PTH2R: variants seen among roughly 807,000 people sequenced by gnomAD.
PTH2R encodes the protein PTH2 receptor.
In PTH2R, 59 loss-of-function variants were observed where a neutral mutation model predicts 60.3. The ratio of observed to expected loss-of-function variants is 0.98; its 90% CI spans 0.79 to 1.22. The LOEUF (loss-of-function observed/expected upper bound fraction) is 1.22. PTH2R is among the 50% of genes most tolerant of loss of function. The pLI, the probability that PTH2R is intolerant of heterozygous loss-of-function variation, is 0.00. For missense variants in PTH2R, 749 were observed against 682.6 expected (o/e 1.10, Z -1.08); for synonymous variants, 256 against 243.8 (o/e 1.05, Z -0.47).
At chr2:208,360,179 C>A (rs925113036) in exon 1 of PTH2R, 6 of 454,678 alleles carry the variant, frequency 1.3e-5, no homozygotes, top group Admixed American at 4.7e-5. Flanking sequence ...CTTTTCTCTT[C>A]TTTTTCTACG....
chr2:208,421,149 A>G (rs1701747667), intron 1 of PTH2R, among the ~76,000 whole-genome samples: 1 of 152,178 alleles, frequency 6.6e-6, no homozygotes. Flanking sequence ...CGCATTCTTA[A>G]TGTTTTCATT....
In PTH2R at chr2:208,437,749, T is replaced by G; in HGVS notation, c.290-11T>G. The G allele has an allele frequency of 6.2e-7, 1 of 1,609,878 alleles. No individual in the cohort carries two copies. Among genetic ancestry groups the G allele is most frequent in the Non-Finnish European group, 8.5e-7 (1 of 1,176,358 alleles). On this transcript the variant is annotated splice_polypyrimidine_tract_variant and intron_variant, in intron 3 of 12. Transcript: ENST00000272847. ...AACTGAGCGATCTCAGCATCTTTCA[T>G]GTCTTTACAGGAGTTGCTTTCCGAC...
intron 7 of PTH2R, among the ~76,000 whole-genome samples, chr2:208,448,446 C>G (rs891584469): frequency 6.6e-6 from 1 of 151,424 alleles, no homozygotes; most frequent in Non-Finnish European, 1.5e-5. Context: ...GTCAGGAGAT[C>G]GAGACAATCC....
intron 1 of PTH2R, among the ~76,000 whole-genome samples, chr2:208,408,059 A>C (rs773291325): frequency 1.3e-5 from 2 of 152,162 alleles, no homozygotes; most frequent in Non-Finnish European, 2.9e-5. Flanking sequence ...AGTTTAAAAA[A>C]CCTATCTGTT....
chr2:208,408,740 A>AGAGAGAGAGAG (rs1553542827), intron 1 of PTH2R, among the ~76,000 whole-genome samples: 11 of 123,352 alleles, frequency 8.9e-5, no homozygotes, highest in African/African-American at 3.5e-4. Flanking sequence ...GAGAGAGAGA[A>AGAGAGAGAGAG]AGAGAGAGAG....
chr2:208,428,148 T>C, intron 1 of PTH2R, 53 bp from the exon 2 acceptor site: 1 of 1,363,324 alleles, frequency 7.3e-7, no homozygotes, highest in South Asian at 1.2e-5. Context: ...AAAGCTTGTA[T>C]CCTGGCTTGA....
At chr2:208,375,464 G>A (rs1446523668) in intron 1 of PTH2R, among the ~76,000 whole-genome samples, 1 of 152,084 alleles carries the variant, frequency 6.6e-6, no homozygotes, top group Non-Finnish European at 1.5e-5. Context: ...CTCTGTGAAG[G>A]CAACGACCTA....
intron 1 of PTH2R, among the ~76,000 whole-genome samples, chr2:208,388,916 T>G (rs1205490375): frequency 2.0e-5 from 3 of 152,162 alleles, no homozygotes; most frequent in African/African-American, 4.8e-5. Flanking sequence ...TGGCACTCAG[T>G]AAGCACTTAT....
At chr2:208,386,038 T>G (rs1288470765) in intron 1 of PTH2R, among the ~76,000 whole-genome samples, 1 of 152,220 alleles carries the variant, frequency 6.6e-6, no homozygotes, top group African/African-American at 2.4e-5. Flanking sequence ...ACTCTTGAGT[T>G]TCCTCCATCT....
upstream of PTH2R, among the ~76,000 whole-genome samples, chr2:208,404,670 C>T (rs979568947): frequency 7.9e-5 from 12 of 152,080 alleles, no homozygotes; most frequent in Non-Finnish European, 1.2e-4. Context: ...GAGAGAAAGA[C>T]ACTTGCACAC....
At chr2:208,465,109 A>G (rs1260891999) in intron 9 of PTH2R, among the ~76,000 whole-genome samples, 2 of 151,458 alleles carry the variant, frequency 1.3e-5, no homozygotes, top group Non-Finnish European at 2.9e-5. Flanking sequence ...CTGAGTAACT[A>G]GGACTATAGG....
chr2:208,487,550 T>C (rs1184630665), intron 10 of PTH2R, among the ~76,000 whole-genome samples: 1 of 152,146 alleles, frequency 6.6e-6, no homozygotes. Flanking sequence ...AATAGTATGC[T>C]TGAGGGTGCT....
chr2:208,373,000 C>A (rs1049084572), intron 1 of PTH2R, among the ~76,000 whole-genome samples: 1 of 152,014 alleles, frequency 6.6e-6, no homozygotes, highest in Admixed American at 6.6e-5. Context: ...GTGGGAGGAT[C>A]GCTTGAGCTC....
intron 8 of PTH2R, among the ~76,000 whole-genome samples, chr2:208,453,028 T>C (rs964460473): frequency 6.6e-6 from 1 of 152,182 alleles, no homozygotes; most frequent in Non-Finnish European, 1.5e-5. Flanking sequence ...TTCTCACTCT[T>C]CAGTTGATTT....
chr2:208,375,076 G>T (rs758988134), intron 1 of PTH2R, among the ~76,000 whole-genome samples: 12 of 152,044 alleles, frequency 7.9e-5, no homozygotes, highest in Non-Finnish European at 1.6e-4. Flanking sequence ...AAAATTAGTT[G>T]ATTTATTTGA....
chr2:208,378,465 C>T lies in PTH2R; in HGVS notation c.-259+18228C>T, dbSNP rs140509212. On this transcript the variant is annotated intron_variant, in intron 1 of 12. Transcript: ENST00000617735. ...GATAGATGATTGCCTTCCGTAGTTCCTCCCAAAATTCATAGGTTGAAATCT... is the reference window on the plus strand; with the variant it reads ...GATAGATGATTGCCTTCCGTAGTTCTTCCCAAAATTCATAGGTTGAAATCT... 9.0e-3 allele frequency among the ~76,000 whole-genome samples: 1,376 copies of T among 152,176 alleles called. 10 individuals carry two copies. Among genetic ancestry groups the T allele is most frequent in the Non-Finnish European group, 0.014 (959 of 68,030 alleles).
chr2:208,439,755 A>G (rs1196267910), intron 4 of PTH2R, among the ~76,000 whole-genome samples: 3 of 152,156 alleles, frequency 2.0e-5, no homozygotes, highest in Non-Finnish European at 2.9e-5. Flanking sequence ...TACTGTAGAA[A>G]CTACCATATA....
At chr2:208,373,797 A>G (rs983941144) in intron 1 of PTH2R, among the ~76,000 whole-genome samples, 3 of 152,136 alleles carry the variant, frequency 2.0e-5, no homozygotes, top group African/African-American at 7.2e-5. Context: ...AATGTCTTCT[A>G]CGTTATTCTT....
chr2:208,472,888 G>A (rs1016683395), intron 9 of PTH2R, among the ~76,000 whole-genome samples: 1 of 95,976 alleles, frequency 1.0e-5, no homozygotes, highest in East Asian at 2.5e-4. Context: ...GTTCAAGAAA[G>A]GTTATGTAAC....
Sources: gnomAD v4.1 joint callset for allele counts (sites outside exome capture counted in the v4.1 genomes callset) on GRCh38, gnomAD v4.1.1 for gene constraint, MANE v1.5 for transcripts, NCBI Gene and HGNC (gene_info 2026-07-23, HGNC 2026-07-21) for gene names.